The following RGS12 variants were observed in gnomAD, a reference collection of about 807,000 sequenced individuals.
The protein encoded by RGS12 is regulator of G-protein signaling 12.
In RGS12, 66 loss-of-function variants were observed where a neutral mutation model predicts 120.1. That is an observed-to-expected ratio of 0.55 (90% CI 0.45 to 0.67). RGS12 has a LOEUF of 0.67. Ranked by LOEUF, RGS12 falls within the 30% of genes least tolerant of loss-of-function variation. RGS12 has a pLI of 0.00. For missense variants in RGS12, 1,859 were observed against 1,957.7 expected, an observed-to-expected ratio of 0.95 and a Z score of 0.95; for synonymous variants, 827 against 804.7, an observed-to-expected ratio of 1.03 and a Z score of -0.47.
upstream of RGS12, among the ~76,000 whole-genome samples, chr4:3,288,710 A>ACAGGGCATTC (rs1722953043): frequency 6.6e-6 from 1 of 152,196 alleles, no homozygotes; most frequent in Non-Finnish European, 1.5e-5. The surrounding 1 kb of genome is among the most constrained non-coding windows in gnomAD (Gnocchi z 5.2). Flanking sequence ...TTAGAGGCTG[A>ACAGGGCATTC]CAGGGCATTC....
chr4:3,320,916 G>A (rs1210959051), intron 2 of RGS12, among the ~76,000 whole-genome samples: 2 of 152,216 alleles, frequency 1.3e-5, no homozygotes, highest in Admixed American at 6.5e-5. Context: ...GATGCAGGAA[G>A]TGCCTGGAAG....
chr4:3,407,579 G>A (rs1353025869), intron 4 of RGS12: 1 of 152,294 alleles, frequency 6.6e-6, no homozygotes, highest in East Asian at 1.9e-4. Context: ...CCCAGGTAAA[G>A]TCCCTTGTCC....
chr4:3,406,018 C>A (rs1346838474), intron 4 of RGS12, among the ~76,000 whole-genome samples: 1 of 152,098 alleles, frequency 6.6e-6, no homozygotes, highest in Non-Finnish European at 1.5e-5. Flanking sequence ...CCGGCTCCCC[C>A]ATAAGCACAT....
At chr4:3,336,369 G>A (rs1244933945) in intron 2 of RGS12, among the ~76,000 whole-genome samples, 1 of 152,202 alleles carries the variant, frequency 6.6e-6, no homozygotes, top group Non-Finnish European at 1.5e-5. Flanking sequence ...AACTACGGGT[G>A]GTTTCTGTCT....
At chr4:3,361,395 AATGGCAGCTTG>A (rs1715543906) in intron 3 of RGS12, among the ~76,000 whole-genome samples, 1 of 152,108 alleles carries the variant, frequency 6.6e-6, no homozygotes, top group Non-Finnish European at 1.5e-5. Context: ...TGATGACAAA[AATGGCAGCTTG>A]ATTGTGAGTA....
chr4:3,423,235 G>GA (rs1441233602), intron 12 of RGS12, among the ~76,000 whole-genome samples: 1 of 152,204 alleles, frequency 6.6e-6, no homozygotes, highest in African/African-American at 2.4e-5. Flanking sequence ...CTAAGATGCC[G>GA]AGAGGGAGGG....
chr4:3,310,041 A>G (rs1394347536), intron 1 of RGS12, among the ~76,000 whole-genome samples: 1 of 144,292 alleles, frequency 6.9e-6, no homozygotes. Context: ...GGGAAATGGC[A>G]GGTGTCCTCT....
intron 3 of RGS12, among the ~76,000 whole-genome samples, chr4:3,364,270 G>T (rs566316592): frequency 6.6e-6 from 1 of 152,242 alleles, no homozygotes; most frequent in South Asian, 2.1e-4. Flanking sequence ...TCCTGGGCTC[G>T]TTACGTCCAT....
Position 3,417,192 on chromosome 4 carries a change from C to G in RGS12, c.2607+100C>G, listed in dbSNP as rs145367963. The G allele has an allele frequency of 2.0e-3, 2,734 of 1,370,086 alleles. 54 individuals carry two copies. The East Asian group carries it at 0.023, about 12-fold the overall frequency. 84.9% of individuals were successfully genotyped at this position (1,370,086 alleles called of 1,614,324 possible). On this transcript the variant is annotated intron_variant, in intron 8 of 17. Transcript: ENST00000336727. ...AAAAGAGGCCCTGTCGGCGTCTTCA[C>G]CAGTGGTGGGTGACGCTCCATGCTG...
Position 3,386,470 on chromosome 4 carries a change from A to G in RGS12, c.2020+33A>G, listed in dbSNP as rs764786745. 8 of 1,578,978 alleles carry G rather than the reference A, an allele frequency of 5.1e-6. No individual in the cohort carries two copies. In the South Asian group the frequency reaches 6.7e-5, roughly 13 times the overall value. On this transcript the variant is annotated intron_variant, in intron 4 of 17. Coordinates refer to ENST00000336727, the MANE Select transcript of RGS12 (RefSeq NM_001394154.1). ...ACAATTTCTGATGTATATATTTTTTATTTTTCATAAAGTTTTCAAATTGTG... is the reference window on the plus strand; with the variant it reads ...ACAATTTCTGATGTATATATTTTTTGTTTTTCATAAAGTTTTCAAATTGTG...
At chr4:3,310,031 G>A (rs1468378539) in intron 1 of RGS12, among the ~76,000 whole-genome samples, 603 of 139,496 alleles carry the variant, frequency 4.3e-3, no homozygotes, top group African/African-American at 0.017. Flanking sequence ...GCTGGGACCC[G>A]GGAAATGGCA....
chr4:3,422,959 G>A lies in RGS12; in HGVS notation c.3088G>A (p.Glu1030Lys). ...CTTGGAGTCAAGGGACCTGCGCCTA[G>A]AAAAGCGCACCTTGTTTCGGTAAGA... ...SILESRDLRL[E>K]KRTLFRLDLV... The change falls in exon 12 of 18, where the codon GAA becomes AAA. Residue 1030 changes from glutamate (E) to lysine (K), a missense_variant. By Grantham distance (56) the Glu-to-Lys change is moderately conservative (BLOSUM62 1). Around this residue, in one of 3 missense-constraint regions of RGS12, gnomAD observed 375 missense variants for 475.0 expected, o/e 0.79. Coordinates refer to ENST00000336727, the MANE Select transcript of RGS12 (RefSeq NM_001394154.1). The A allele has an allele frequency of 1.2e-6, 2 of 1,613,184 alleles. No homozygotes were observed. The highest frequency in any genetic ancestry group is 1.7e-6 in the Non-Finnish European group (2 of 1,179,860).
rs1036669700 is a variant in RGS12 at position 3,372,480 on chromosome 4, T to C, written c.1999-13936T>C. On this transcript the variant is annotated intron_variant, in intron 3 of 17. Transcript: ENST00000336727. The surrounding 1 kb of genome is among the most constrained non-coding windows in gnomAD (Gnocchi z 4.3). ...ACAGTTGTCGCGGAGCCGCCCGAGC[T>C]GTTGGCTTCCCCGATGTTCCCCCTG... is the stretch of plus-strand genomic sequence containing the variant. Among the ~76,000 whole-genome samples, 2 of 152,372 alleles carry C rather than the reference T, an allele frequency of 1.3e-5. No homozygotes were observed. The highest frequency in any genetic ancestry group is 2.1e-4 in the South Asian group (1 of 4,832).
intron 4 of RGS12, 95 bp from the exon 5 acceptor site, chr4:3,413,977 G>T: frequency 7.7e-7 from 1 of 1,305,568 alleles, no homozygotes; most frequent in Non-Finnish European, 1.0e-6. Context: ...GACAGAGCTT[G>T]CTGCGTGTCC....
rs138930496 is a variant in RGS12 at position 3,424,772 on chromosome 4, G to T, written c.3235-692G>T. 5.0e-3 allele frequency among the ~76,000 whole-genome samples: 769 copies of T among 152,308 alleles called. 5 individuals carry two copies. Among genetic ancestry groups the T allele is most frequent in the African/African-American group, 0.018 (728 of 41,564 alleles). ...TCTCCTGACCTCTCCAGTGAATTCT[G>T]TGGCCCCCTGTGTCCACGAATGTGG... is the stretch of plus-strand genomic sequence containing the variant. On this transcript the variant is annotated intron_variant, in intron 13 of 17. Coordinates refer to ENST00000336727, the MANE Select transcript of RGS12 (RefSeq NM_001394154.1).
chr4:3,428,264 T>A, intron 15 of RGS12, 95 bp downstream of exon 15: 2 of 1,148,814 alleles, frequency 1.7e-6, no homozygotes, highest in Non-Finnish European at 2.6e-6. Context: ...TACCGCCTGC[T>A]TATCACTGTG....
intron 1 of RGS12, among the ~76,000 whole-genome samples, chr4:3,302,643 G>A (rs576073658): frequency 2.6e-5 from 4 of 152,328 alleles, no homozygotes; most frequent in East Asian, 1.9e-4. Context: ...AGAAAGCCCC[G>A]GAAGGCTGTG....
intron 2 of RGS12, among the ~76,000 whole-genome samples, chr4:3,330,458 C>T (rs894098505): frequency 1.3e-5 from 2 of 152,194 alleles, no homozygotes; most frequent in Non-Finnish European, 2.9e-5. Flanking sequence ...CTTCTTCCTT[C>T]ACTCAGGGAG....
In RGS12 at chr4:3,317,398, G is replaced by T. The variant is rs767834326; in HGVS notation, c.1228G>T (p.Ala410Ser). 6.2e-7 allele frequency: 1 copy of T among 1,614,054 alleles called. No homozygotes were observed. Among genetic ancestry groups the T allele is most frequent in the Non-Finnish European group, 8.5e-7 (1 of 1,180,020 alleles). Residue 410 changes from alanine to serine, a missense_variant, in exon 2 of 18, where the codon GCC (alanine) becomes TCC (serine). By Grantham distance (99) the Ala-to-Ser change is moderately conservative (BLOSUM62 1). Coordinates refer to ENST00000336727, the MANE Select transcript of RGS12 (RefSeq NM_001394154.1). The part of the protein sequence containing the change: ...MRARAFLDGD[A>S]DAHQNNSTSS... Reference sequence around the variant, plus strand: ...GGCCCGCGCCTTTCTGGACGGGGACGCCGATGCCCACCAGAACAACAGCAC... The same window carrying T: ...GGCCCGCGCCTTTCTGGACGGGGACTCCGATGCCCACCAGAACAACAGCAC...
Sources: allele counts gnomAD v4.1 joint callset (sites outside exome capture counted in the v4.1 genomes callset), GRCh38; gene constraint gnomAD v4.1.1; regional missense constraint gnomAD v4.1.1; non-coding constraint Gnocchi (gnomAD v3.1); transcripts MANE v1.5; gene names NCBI Gene and HGNC (gene_info 2026-07-23, HGNC 2026-07-21).